The following PLCH1 variants were observed in gnomAD, a reference collection of about 807,000 sequenced individuals.
PLCH1 encodes 1-phosphatidylinositol 4,5-bisphosphate phosphodiesterase eta-1.
PLCH1 carries 60 observed loss-of-function variants against 126.7 expected under a neutral mutation model. The ratio of observed to expected loss-of-function variants is 0.47; its 90% CI spans 0.38 to 0.59. The LOEUF is 0.59. Ranked by LOEUF, PLCH1 falls within the 20% of genes least tolerant of loss-of-function variation. The probability of loss-of-function intolerance (pLI) is 0.00; values close to 1 mark genes in which losing one functional copy is unlikely to be tolerated. For synonymous variants in PLCH1, 719 were observed against 734.9 expected (o/e 0.98, Z 0.35); for missense variants, 1,723 against 2,040.0 (o/e 0.84, Z 2.99).
chr3:155,581,012 A>C (rs1438066169), intron 6 of PLCH1, among the ~76,000 whole-genome samples: 1 of 152,218 alleles, frequency 6.6e-6, no homozygotes, highest in Non-Finnish European at 1.5e-5. Context: ...TACTAATCCA[A>C]GCACCCACCC....
At chr3:155,627,209 T>G (rs533991360) in intron 2 of PLCH1, among the ~76,000 whole-genome samples, 1 of 152,236 alleles carries the variant, frequency 6.6e-6, no homozygotes, top group Non-Finnish European at 1.5e-5. Context: ...ACATGCATTT[T>G]GACCTTGCAA....
intron 1 of PLCH1, among the ~76,000 whole-genome samples, chr3:155,719,646 C>A (rs1747795295): frequency 6.6e-6 from 1 of 151,232 alleles, no homozygotes; most frequent in African/African-American, 2.4e-5. Flanking sequence ...ATTATTATGT[C>A]ATGTGCTTTT....
intron 10 of PLCH1, among the ~76,000 whole-genome samples, chr3:155,544,486 A>G (rs1724895500): frequency 6.6e-6 from 1 of 152,170 alleles, no homozygotes; most frequent in Non-Finnish European, 1.5e-5. Context: ...AACGAGACAG[A>G]AAGTTAACAA....
intron 1 of PLCH1, among the ~76,000 whole-genome samples, chr3:155,741,682 C>CTTT (rs1491132149): frequency 3.6e-4 from 30 of 83,084 alleles, no homozygotes; most frequent in African/African-American, 2.7e-3. Context: ...ATTTTATATC[C>CTTT]TCTTTTTTTT....
At chr3:155,705,514 G>A (rs1195928759) in intron 1 of PLCH1, among the ~76,000 whole-genome samples, 2 of 152,064 alleles carry the variant, frequency 1.3e-5, no homozygotes, top group Non-Finnish European at 2.9e-5. Context: ...AGCTAATTAT[G>A]AAAACAACCC....
chr3:155,613,336 G>C (rs747178487), intron 2 of PLCH1, among the ~76,000 whole-genome samples: 1 of 130,438 alleles, frequency 7.7e-6, no homozygotes, highest in Non-Finnish European at 1.5e-5. Context: ...ACAAGGAAAG[G>C]ACATAACACC....
In PLCH1 at chr3:155,467,324, A is replaced by G. The variant is rs188797647; in HGVS notation, c.2938+18032T>C. Among the ~76,000 whole-genome samples, 997 of 152,278 alleles carry G rather than the reference A, an allele frequency of 6.5e-3. 8 individuals are homozygous for G. Among genetic ancestry groups the G allele is most frequent in the Middle Eastern group, 0.014 (4 of 294 alleles). On this transcript the variant is annotated intron_variant, in intron 21 of 21. Coordinates refer to the PLCH1 transcript ENST00000494598. ...TGCGGTGGCTCACGCCTGTAATCCCAGCACTTTGGACGGCTAAGGTGGGTG... is the reference window on the plus strand; with the variant it reads ...TGCGGTGGCTCACGCCTGTAATCCCGGCACTTTGGACGGCTAAGGTGGGTG...
rs576505725 is a variant in PLCH1, at chr3:155,515,981, G to A, written c.1471-1097C>T. Among the ~76,000 whole-genome samples, 34 of 152,246 alleles carry A rather than the reference G, an allele frequency of 2.2e-4. 1 individual carries two copies. The highest frequency in any genetic ancestry group is 2.1e-3 in the South Asian group (10 of 4,820). On this transcript the variant is annotated intron_variant, in intron 11 of 22. Transcript: ENST00000460012. Reference sequence around the variant, plus strand: ...TTTCACAAAATCCTGTAAGAGCAAAGCAATTATAAATGCCCTAAGGAAAAA... The same window carrying A: ...TTTCACAAAATCCTGTAAGAGCAAAACAATTATAAATGCCCTAAGGAAAAA...
At chr3:155,695,935 A>G (rs1457084228) in intron 2 of PLCH1, among the ~76,000 whole-genome samples, 1 of 152,186 alleles carries the variant, frequency 6.6e-6, no homozygotes, top group East Asian at 1.9e-4. Flanking sequence ...TAAGGTTGGC[A>G]AGGCAGATGG....
At position 155,470,675 on chromosome 3, in the gene PLCH1, A is replaced by G. The variant is rs573114554; in HGVS notation, c.2938+14681T>C. On this transcript the variant is annotated intron_variant, in intron 21 of 21. Transcript: ENST00000494598. The stretch of plus-strand genomic sequence containing the variant: ...GAAAAAATGTTAAGGGCAGCCAGAG[A>G]GAAAGGTCGGGTTACCCTCAAAGGG... Among the ~76,000 whole-genome samples, 29 of 152,258 alleles carry G rather than the reference A, an allele frequency of 1.9e-4. No individual in the cohort carries two copies. The East Asian group carries it at 2.1e-3, about 11-fold the overall frequency.
intron 4 of PLCH1, 130 bp downstream of exon 4, chr3:155,593,811 T>G: frequency 1.2e-6 from 1 of 815,218 alleles, no homozygotes; most frequent in Non-Finnish European, 1.9e-6. Context: ...GAAGACGGTG[T>G]GAGGGGTAAA....
At chr3:155,604,163 AAT>A (rs199999842) in intron 2 of PLCH1, among the ~76,000 whole-genome samples, 1 of 151,730 alleles carries the variant, frequency 6.6e-6, no homozygotes, top group Non-Finnish European at 1.5e-5. Context: ...TATATAAATA[AAT>A]ATATATATAA....
intron 1 of PLCH1, among the ~76,000 whole-genome samples, chr3:155,713,150 T>A (rs1051171988): frequency 1.3e-5 from 2 of 152,120 alleles, no homozygotes; most frequent in African/African-American, 2.4e-5. Context: ...AGTTCCTCCC[T>A]GACATTCCGC....
intron 10 of PLCH1, among the ~76,000 whole-genome samples, chr3:155,542,592 G>A (rs1332781455): frequency 1.3e-5 from 2 of 152,132 alleles, no homozygotes; most frequent in African/African-American, 4.8e-5. Context: ...CCTCAAGTGG[G>A]TCCCTGACCC....
chr3:155,501,404 C>T (rs1400179453), intron 13 of PLCH1, among the ~76,000 whole-genome samples: 4 of 152,172 alleles, frequency 2.6e-5, no homozygotes, highest in African/African-American at 9.7e-5. Flanking sequence ...TTGGACAGAT[C>T]AGCTGTTTCA....
intron 2 of PLCH1, among the ~76,000 whole-genome samples, chr3:155,685,658 G>A (rs1183265804): frequency 6.6e-6 from 1 of 152,112 alleles, no homozygotes; most frequent in Non-Finnish European, 1.5e-5. Flanking sequence ...ATCTCTCTAA[G>A]CCTCAGTTTC....
intron 12 of PLCH1, among the ~76,000 whole-genome samples, chr3:155,514,158 A>T (rs557865088): frequency 6.6e-6 from 1 of 152,324 alleles, no homozygotes; most frequent in South Asian, 2.1e-4. Flanking sequence ...CCGCTTACCA[A>T]CATCTTCTTC....
At chr3:155,627,710 T>C (rs1737494657) in intron 2 of PLCH1, among the ~76,000 whole-genome samples, 1 of 151,566 alleles carries the variant, frequency 6.6e-6, no homozygotes, top group Non-Finnish European at 1.5e-5. Context: ...TAACCATATA[T>C]TATGATGTGA....
chr3:155,483,317 A>G (rs1252610986), intron 22 of PLCH1: 44 of 1,463,666 alleles, frequency 3.0e-5, no homozygotes, highest in Non-Finnish European at 4.0e-5. Context: ...AAAAATGTCA[A>G]TGAGTTACCA....
Sources: allele counts gnomAD v4.1 joint callset (sites outside exome capture counted in the v4.1 genomes callset), GRCh38; gene constraint gnomAD v4.1.1; transcripts MANE v1.5; gene names NCBI Gene and HGNC (gene_info 2026-07-23, HGNC 2026-07-21).